OPA1: variants seen among roughly 807,000 people sequenced by gnomAD.
OPA1 encodes dynamin-like GTPase OPA1, mitochondrial.
OPA1 carries 59 observed loss-of-function variants against 152.9 expected under a neutral mutation model. The ratio of observed to expected loss-of-function variants is 0.39; its 90% confidence interval spans 0.31 to 0.48. OPA1 has a LOEUF of 0.48. OPA1 is among the 20% of genes least tolerant of loss of function. The pLI, the probability that OPA1 is intolerant of heterozygous loss-of-function variation, is 0.96. For missense variants in OPA1, 1,008 were observed against 1,216.8 expected, an observed-to-expected ratio of 0.83 and a Z score of 2.55; for synonymous variants, 400 against 389.9, an observed-to-expected ratio of 1.03 and a Z score of -0.31.
intron 27 of OPA1, among the ~76,000 whole-genome samples, chr3:193,665,577 A>C (rs1372613519): frequency 6.6e-6 from 1 of 152,178 alleles, no homozygotes; most frequent in African/African-American, 2.4e-5. Flanking sequence ...AGGTGGCAGC[A>C]GTCTGATATA....
intron 29 of OPA1, among the ~76,000 whole-genome samples, chr3:193,676,974 C>CA (rs1444837200): frequency 3.2e-5 from 3 of 93,428 alleles, no homozygotes; most frequent in South Asian, 3.4e-4. Context: ...GAGCAAGACT[C>CA]GTCTCAAAAA....
rs202183901 is a variant in OPA1 at position 193,617,155 on chromosome 3, C to T, written c.449-23C>T. ...TGACATATTTTCTTAGTTTCATACT[C>T]TATATGTTTTGATCTTTTCCAGAGA... On this transcript the variant is annotated intron_variant, in intron 3 of 30. Coordinates refer to ENST00000361510, the MANE Select transcript of OPA1 (RefSeq NM_130837.3). 90 of 1,362,974 alleles carry T rather than the reference C, an allele frequency of 6.6e-5. 2 individuals carry two copies. The highest frequency in any genetic ancestry group is 1.8e-4 in the Middle Eastern group (1 of 5,612). 84.4% of individuals were successfully genotyped at this position (1,362,974 alleles called of 1,614,324 possible). A position where few individuals can be genotyped will look rare whatever the true frequency, so the allele number is the denominator to read the frequency against.
intron 1 of OPA1, among the ~76,000 whole-genome samples, 174 bp from the exon 2 acceptor site, chr3:193,614,549 A>G (rs1156951423): frequency 6.6e-6 from 1 of 152,252 alleles, no homozygotes; most frequent in African/African-American, 2.4e-5. Context: ...GAGATAGCAC[A>G]TACTGTAACC....
rs143202267 is a variant in OPA1 at position 193,668,955 on chromosome 3, A to G, written c.2983+1675A>G. On this transcript the variant is annotated intron_variant, in intron 29 of 30. Transcript: ENST00000361510. ...TACCTCTGTTTGAGCCTGCCTTGTT[A>G]CAAGTTTCACTGACTTCAGCTTCGT... 903 of 732,318 alleles carry G rather than the reference A, an allele frequency of 1.2e-3. 6 individuals are homozygous for G. The African/African-American group carries it at 0.016, about 13-fold the overall frequency. 45.4% of individuals were successfully genotyped at this position (732,318 alleles called of 1,614,324 possible).
chr3:193,683,633 G>A (rs1483468281), intron 29 of OPA1, among the ~76,000 whole-genome samples: 1 of 152,128 alleles, frequency 6.6e-6, no homozygotes, highest in African/African-American at 2.4e-5. Context: ...ACCTGCAACA[G>A]CCACCACCCT....
rs1040595431 is a variant in OPA1, at chr3:193,695,392, A to T, written c.*792A>T. 1.3e-5 allele frequency: 2 copies of T among 152,202 alleles called. No individual in the cohort carries two copies. Among genetic ancestry groups the T allele is most frequent in the African/African-American group, 4.8e-5 (2 of 41,454 alleles). The allele number at this position is 152,202 out of a possible 1,614,324, so 9.4% of individuals were successfully genotyped here. ...CTCCTGTTGACAGAGCCACCGGATT[A>T]TGACACAGGATGAGGAAGATTAAGG... On this transcript the variant is annotated 3_prime_UTR_variant, in exon 31 of 31. Transcript: ENST00000361510.
intron 28 of OPA1, among the ~76,000 whole-genome samples, chr3:193,666,645 C>T (rs974277746): frequency 3.3e-5 from 5 of 151,924 alleles, no homozygotes; most frequent in African/African-American, 1.2e-4. Flanking sequence ...ATAAATTAGC[C>T]GGGCATGGTG....
intron 1 of OPA1, among the ~76,000 whole-genome samples, chr3:193,598,960 G>C (rs907573561): frequency 1.3e-5 from 2 of 152,160 alleles, no homozygotes; most frequent in Non-Finnish European, 2.9e-5. Flanking sequence ...ATCCCTCTCT[G>C]TAAGTGATAA....
At chr3:193,598,207 A>T (rs1428219014) in intron 1 of OPA1, among the ~76,000 whole-genome samples, 4 of 152,238 alleles carry the variant, frequency 2.6e-5, no homozygotes. Context: ...TGGGAGAAAG[A>T]TCGCTTAATT....
intron 21 of OPA1, among the ~76,000 whole-genome samples, chr3:193,652,018 AT>A (rs1712605996): frequency 6.6e-6 from 1 of 152,232 alleles, no homozygotes; most frequent in Admixed American, 6.5e-5. Flanking sequence ...TGCTAATTAT[AT>A]TTTGTGTATT....
intron 29 of OPA1, chr3:193,668,477 T>C: frequency 6.4e-7 from 1 of 1,550,598 alleles, no homozygotes. Context: ...TCTGACGCTT[T>C]GTGCCAGGTG....
chr3:193,687,677 A>G (rs1440957180), intron 29 of OPA1, among the ~76,000 whole-genome samples: 1 of 152,232 alleles, frequency 6.6e-6, no homozygotes, highest in African/African-American at 2.4e-5. Context: ...GCCAACATTT[A>G]ACTTCATTGT....
chr3:193,647,322 A>G, intron 19 of OPA1, 142 bp downstream of exon 19: 1 of 663,958 alleles, frequency 1.5e-6, no homozygotes, highest in Non-Finnish European at 2.7e-6. Flanking sequence ...TGGAAAATAG[A>G]AGAATACAAA....
At chr3:193,654,697 G>A (rs900898365) in intron 21 of OPA1, among the ~76,000 whole-genome samples, 165 bp from the exon 22 acceptor site, 2 of 152,064 alleles carry the variant, frequency 1.3e-5, no homozygotes, top group African/African-American at 2.4e-5. Context: ...TGATGGATGC[G>A]TTCATTATCT....
intron 3 of OPA1, 68 bp downstream of exon 3, chr3:193,615,838 T>G: frequency 1.1e-6 from 1 of 908,350 alleles, no homozygotes; most frequent in Non-Finnish European, 1.9e-6. Context: ...TTTATTGAGA[T>G]AGTTTCTTAA....
intron 29 of OPA1, among the ~76,000 whole-genome samples, chr3:193,672,753 C>T (rs1027105953): frequency 6.6e-6 from 1 of 151,750 alleles, no homozygotes; most frequent in African/African-American, 2.4e-5. Flanking sequence ...CCTGTAATTC[C>T]AGCTACTCGG....
At chr3:193,679,304 A>C (rs1231577782) in intron 29 of OPA1, among the ~76,000 whole-genome samples, 1 of 149,760 alleles carries the variant, frequency 6.7e-6, no homozygotes, top group Non-Finnish European at 1.5e-5. Flanking sequence ...ATAAAGAAAG[A>C]GAAAGAGAGG....
intron 21 of OPA1, among the ~76,000 whole-genome samples, chr3:193,654,060 T>A (rs1192887057): frequency 2.0e-5 from 3 of 152,164 alleles, no homozygotes; most frequent in Non-Finnish European, 4.4e-5. Flanking sequence ...AATGAAAGCA[T>A]GTGTTCATAA....
chr3:193,687,694 A>G (rs905711989), intron 29 of OPA1, among the ~76,000 whole-genome samples: 1 of 152,202 alleles, frequency 6.6e-6, no homozygotes, highest in Non-Finnish European at 1.5e-5. Context: ...TTGTTTATGG[A>G]TAACTTGGTT....
Sources: allele counts gnomAD v4.1 joint callset (sites outside exome capture counted in the v4.1 genomes callset), GRCh38; gene constraint gnomAD v4.1.1; transcripts MANE v1.5; gene names NCBI Gene and HGNC (gene_info 2026-07-23, HGNC 2026-07-21).